Variants in LATS2 observed in about 807,000 individuals in gnomAD.
LATS2 encodes serine/threonine-protein kinase LATS2.
Under a neutral mutation model 76.0 loss-of-function variants are expected in LATS2, and 24 were observed. That is an observed-to-expected ratio of 0.32 (90% CI 0.23 to 0.44). The LOEUF (loss-of-function observed/expected upper bound fraction) is 0.44, where lower values mean the gene tolerates loss of function less well. Among genes scored for constraint, LATS2 ranks in the 20% least tolerant of loss-of-function variants. The pLI is 1.00. For missense variants in LATS2, 1,286 were observed against 1,481.2 expected (o/e 0.87, Z 2.16); for synonymous variants, 692 against 635.4 (o/e 1.09, Z -1.34).
chr13:21,034,408 G>T (rs561966544), intron 2 of LATS2, among the ~76,000 whole-genome samples: 75 of 152,278 alleles, frequency 4.9e-4, no homozygotes, highest in South Asian at 1.9e-3. Context: ...CCAAGTAACT[G>T]GGTCCTGACC....
At chr13:21,023,646 TAAAAAAAAAAAAAAAAAA>T (rs1169391710) in intron 2 of LATS2, among the ~76,000 whole-genome samples, 16 of 70,052 alleles carry the variant, frequency 2.3e-4, no homozygotes, top group African/African-American at 1.0e-3. Context: ...TGACTGGCTT[TAAAAAAAAAAAAAAAAAA>T]AAAAAAAAAA....
chr13:21,006,723 CG>C (rs1871280743), intron 2 of LATS2, among the ~76,000 whole-genome samples: 1 of 152,180 alleles, frequency 6.6e-6, no homozygotes, highest in African/African-American at 2.4e-5. Context: ...GGCACATAGG[CG>C]TGCCTCACTG....
chr13:21,019,932 C>CCA (rs1871984667), intron 2 of LATS2, among the ~76,000 whole-genome samples: 1 of 150,602 alleles, frequency 6.6e-6, no homozygotes, highest in East Asian at 2.0e-4. Context: ...TGAGATCGTG[C>CCA]CACTGCACCC....
intron 2 of LATS2, among the ~76,000 whole-genome samples, chr13:21,027,150 C>A (rs1872339654): frequency 6.6e-6 from 1 of 152,010 alleles, no homozygotes; most frequent in Admixed American, 6.6e-5. Flanking sequence ...AATATTTTTT[C>A]TCATTCTGTG....
At chr13:21,048,825 G>A (rs948201558) in intron 1 of LATS2, among the ~76,000 whole-genome samples, 8 of 151,574 alleles carry the variant, frequency 5.3e-5, no homozygotes, top group South Asian at 4.2e-4. Flanking sequence ...CAACAAGAGC[G>A]AAACTCCGTC....
At chr13:21,060,384 C>G (rs1009342246) in intron 1 of LATS2, among the ~76,000 whole-genome samples, 1 of 152,238 alleles carries the variant, frequency 6.6e-6, no homozygotes, top group Admixed American at 6.5e-5. Flanking sequence ...CCCCACACGT[C>G]GCTAAACTAG....
chr13:20,987,250 T>A (rs531637140), intron 4 of LATS2, among the ~76,000 whole-genome samples: 1 of 151,754 alleles, frequency 6.6e-6, no homozygotes, highest in Non-Finnish European at 1.5e-5. Context: ...GAAAAGTATA[T>A]CTGTAAAAAA....
At chr13:20,986,799 G>A (rs1167787183) in intron 4 of LATS2, among the ~76,000 whole-genome samples, 1 of 152,158 alleles carries the variant, frequency 6.6e-6, no homozygotes, top group African/African-American at 2.4e-5. Flanking sequence ...AATACACCAG[G>A]CAATGGATAC....
At chr13:21,051,576 A>G (rs1320742461) in intron 1 of LATS2, among the ~76,000 whole-genome samples, 1 of 152,152 alleles carries the variant, frequency 6.6e-6, no homozygotes, top group Non-Finnish European at 1.5e-5. Flanking sequence ...CCATTCTCTG[A>G]GCCAGGAAAC....
At chr13:21,008,578 TTAAA>T (rs1467035452) in intron 2 of LATS2, among the ~76,000 whole-genome samples, 1 of 152,112 alleles carries the variant, frequency 6.6e-6, no homozygotes, top group Admixed American at 6.5e-5. Flanking sequence ...AATTCAAAAC[TTAAA>T]TAGTCACAAG....
chr13:21,019,133 C>G (rs1007208764), intron 2 of LATS2, among the ~76,000 whole-genome samples: 2 of 152,088 alleles, frequency 1.3e-5, no homozygotes, highest in African/African-American at 4.8e-5. Context: ...TTTCCATTTC[C>G]TCCCGTGTAC....
At chr13:20,983,195 A>C (rs1366298437) in intron 5 of LATS2, 29 bp downstream of exon 5, 2 of 1,497,156 alleles carry the variant, frequency 1.3e-6, no homozygotes, top group Non-Finnish European at 9.2e-7. Flanking sequence ...TACACATAGA[A>C]AGTGCATGTG....
chr13:21,041,103 G>A (rs1480624888), intron 2 of LATS2, among the ~76,000 whole-genome samples: 1 of 152,042 alleles, frequency 6.6e-6, no homozygotes. Context: ...CTCCAGAGTA[G>A]CTGGGACTAC....
In LATS2 at chr13:21,055,743, C is replaced by T. The variant is rs1179020915; in HGVS notation, c.-205+5603G>A. Among the ~76,000 whole-genome samples, 6 of 152,222 alleles carry T rather than the reference C, an allele frequency of 3.9e-5. No individual in the cohort carries two copies. In the East Asian group the frequency reaches 5.8e-4, roughly 15 times the overall value. On this transcript the variant is annotated intron_variant, in intron 1 of 7. Coordinates refer to ENST00000382592, the MANE Select transcript of LATS2 (RefSeq NM_014572.3). Reference sequence around the variant, plus strand: ...GACCTGCGCTAATGACACATGTTGGCATTTTCTGAAGCAGGATTTCTTGAA... The same window carrying T: ...GACCTGCGCTAATGACACATGTTGGTATTTTCTGAAGCAGGATTTCTTGAA...
intron 2 of LATS2, among the ~76,000 whole-genome samples, chr13:20,994,657 G>A (rs753574373): frequency 3.9e-5 from 6 of 152,300 alleles, no homozygotes; most frequent in African/African-American, 9.6e-5. Context: ...CACTTTGGGA[G>A]ACTGAGGCAG....
At chr13:20,976,230 G>A (rs1392340425) in intron 7 of LATS2, among the ~76,000 whole-genome samples, 1 of 152,186 alleles carries the variant, frequency 6.6e-6, no homozygotes, top group Non-Finnish European at 1.5e-5. Context: ...CAACATGACT[G>A]GCTACCAGCT....
chr13:20,992,968 G>A (rs1302243612), intron 2 of LATS2, among the ~76,000 whole-genome samples: 6 of 151,062 alleles, frequency 4.0e-5, no homozygotes, highest in Non-Finnish European at 8.8e-5. Flanking sequence ...CCTGGGAGGT[G>A]GAGGCTGCAG....
intron 1 of LATS2, among the ~76,000 whole-genome samples, chr13:21,059,864 C>A (rs1274074829): frequency 2.0e-5 from 3 of 150,152 alleles, no homozygotes; most frequent in Non-Finnish European, 4.4e-5. Context: ...ACGTGGGAGG[C>A]TAAGGCAGGA....
In LATS2 at chr13:21,061,475, C is replaced by CGGCGGT. The variant is rs1407965461; in HGVS notation, c.-340_-335dup. The CGGCGGT allele has an allele frequency of 1.3e-5, 2 of 153,288 alleles. No homozygotes were observed. Among genetic ancestry groups the CGGCGGT allele is most frequent in the African/African-American group, 2.4e-5 (1 of 41,424 alleles). The allele number at this position is 153,288 out of a possible 1,614,324, so 9.5% of individuals were successfully genotyped here. A position where few individuals can be genotyped will look rare whatever the true frequency, so the allele number is the denominator to read the frequency against. On this transcript the variant is annotated 5_prime_UTR_variant, in exon 1 of 8. Transcript: ENST00000382592. ...GCAGGGACGGGGGAGCCCCGGGCGG[C>CGGCGGT]GGCGGTGGCGTGGACGGCGACTGCT... is the stretch of plus-strand genomic sequence containing the variant.
Sources: gnomAD v4.1 joint callset for allele counts (sites outside exome capture counted in the v4.1 genomes callset) on GRCh38, gnomAD v4.1.1 for gene constraint, MANE v1.5 for transcripts, NCBI Gene and HGNC (gene_info 2026-07-23, HGNC 2026-07-21) for gene names.